PCDH7: variants seen among roughly 807,000 people sequenced by gnomAD.
PCDH7 encodes the protein protocadherin-7.
In PCDH7, 17 loss-of-function variants were observed where a neutral mutation model predicts 58.9. The ratio of observed to expected loss-of-function variants is 0.29; its 90% confidence interval spans 0.20 to 0.43. The LOEUF (loss-of-function observed/expected upper bound fraction) is 0.43, where lower values mean the gene tolerates loss of function less well. PCDH7 is among the 20% of genes least tolerant of loss of function. PCDH7 has a pLI of 1.00. For synonymous variants in PCDH7, 664 were observed against 616.4 expected (o/e 1.08, Z -1.14); for missense variants, 1,274 against 1,441.0 (o/e 0.88, Z 1.88).
chr4:31,026,010 A>C (rs1172590442), intron 3 of PCDH7, among the ~76,000 whole-genome samples: 1 of 152,180 alleles, frequency 6.6e-6, no homozygotes, highest in Non-Finnish European at 1.5e-5. Context: ...CATAGCTATA[A>C]TTACTAGTAT....
At position 30,861,490 on chromosome 4, in the gene PCDH7, A is replaced by G. The variant is rs146298280; in HGVS notation, c.71-58663A>G. ...CAAAGAAATGACCTCCTTAATTGTT[A>G]TTCATTATTTTCTGCTGTGTATCCC... On this transcript the variant is annotated intron_variant, in intron 1 of 3. Coordinates refer to the PCDH7 transcript ENST00000509759. Among the ~76,000 whole-genome samples the G allele has an allele frequency of 3.2e-4, 49 of 152,294 alleles. 1 individual carries two copies. The East Asian group carries it at 7.7e-3, about 24-fold the overall frequency.
rs766218350 is a variant in PCDH7 at position 30,723,107 on chromosome 4, C to T, written c.1685C>T (p.Ala562Val). 1.2e-6 allele frequency: 2 copies of T among 1,613,988 alleles called. No homozygotes were observed. Among genetic ancestry groups the T allele is most frequent in the South Asian group, 2.2e-5 (2 of 91,088 alleles). Residue 562 changes from alanine to valine, a missense_variant, in exon 1 of 2, where the codon GCA (alanine) becomes GTA (valine). Ala to Val is a moderately conservative substitution (Grantham distance 64). Transcript: ENST00000361762. This position sits in a 1 kb window ranked among gnomAD's most constrained non-coding sequence, Gnocchi z 4.6. ...GTGGCCACGGTGCTGGCGACAGACG[C>T]AGACAGCGGTAAGAACGCCGAGATC...
At chr4:31,003,609 A>G (rs1752529223) in intron 3 of PCDH7, among the ~76,000 whole-genome samples, 1 of 152,102 alleles carries the variant, frequency 6.6e-6, no homozygotes, top group African/African-American at 2.4e-5. Flanking sequence ...TCGGCGCTCA[A>G]AAAGGTTCCG....
At chr4:30,961,348 T>A (rs1748410803) in intron 3 of PCDH7, among the ~76,000 whole-genome samples, 1 of 150,942 alleles carries the variant, frequency 6.6e-6, no homozygotes, top group Non-Finnish European at 1.5e-5. Flanking sequence ...ATCAACACCA[T>A]CCTGGCTAAC....
In PCDH7 at chr4:30,856,191, CA is replaced by C. The variant is rs35107601; in HGVS notation, c.71-63952del. On this transcript the variant is annotated intron_variant, in intron 1 of 3. Transcript: ENST00000509759. ...AAGAAAAGAAGAATTAACAGATTAC[CA>C]AAAAAAAAAGTAATTTTACAAAATT... 2.2e-4 allele frequency among the ~76,000 whole-genome samples: 33 copies of C among 148,780 alleles called. No homozygotes were observed. The East Asian group carries it at 4.4e-3, about 20-fold the overall frequency.
rs545422958 is a variant in PCDH7, at chr4:30,849,727, G to T, written c.71-70426G>T. 1.1e-3 allele frequency among the ~76,000 whole-genome samples: 167 copies of T among 152,064 alleles called. 1 individual carries two copies. Among genetic ancestry groups the T allele is most frequent in the African/African-American group, 3.5e-3 (145 of 41,510 alleles). ...ATCATTTTCTTCCACTAAGACCCTC[G>T]CATTGTCCTCTTCCTTCTCAAGCTT... On this transcript the variant is annotated intron_variant, in intron 1 of 3. Coordinates refer to the PCDH7 transcript ENST00000509759.
chr4:30,770,840 T>C (rs527909696), intron 1 of PCDH7, among the ~76,000 whole-genome samples: 1 of 152,180 alleles, frequency 6.6e-6, no homozygotes, highest in Non-Finnish European at 1.5e-5. Flanking sequence ...TTGTCTTTCA[T>C]TTGTCTTTTA....
At chr4:31,061,573 A>T (rs929881977) in intron 3 of PCDH7, among the ~76,000 whole-genome samples, 4 of 151,726 alleles carry the variant, frequency 2.6e-5, no homozygotes, top group Non-Finnish European at 3.0e-5. Flanking sequence ...CATGCACTTA[A>T]ATTGATTTCT....
chr4:31,056,469 G>GAAAC (rs1757210188), intron 3 of PCDH7, among the ~76,000 whole-genome samples: 1 of 120,858 alleles, frequency 8.3e-6, no homozygotes, highest in Non-Finnish European at 1.7e-5. Flanking sequence ...AAGAAAGAAA[G>GAAAC]AAAGAAAGAA....
chr4:30,784,354 G>A (rs1370082235), intron 1 of PCDH7, among the ~76,000 whole-genome samples: 12 of 152,152 alleles, frequency 7.9e-5, no homozygotes, highest in Admixed American at 7.9e-4. Flanking sequence ...TGACAGGTGA[G>A]TATTAGTACA....
chr4:30,951,678 A>G (rs1164940171), intron 3 of PCDH7, among the ~76,000 whole-genome samples: 1 of 152,142 alleles, frequency 6.6e-6, no homozygotes, highest in East Asian at 1.9e-4. Flanking sequence ...TTTCACTTCC[A>G]TTTTCTTGAT....
intron 1 of PCDH7, among the ~76,000 whole-genome samples, chr4:30,743,785 A>G (rs1717402453): frequency 6.6e-6 from 1 of 152,058 alleles, no homozygotes; most frequent in Non-Finnish European, 1.5e-5. Flanking sequence ...TATGTTTTAA[A>G]TCAGTCATAA....
chr4:30,782,781 G>T (rs1256652982), intron 1 of PCDH7, among the ~76,000 whole-genome samples: 1 of 152,160 alleles, frequency 6.6e-6, no homozygotes, highest in African/African-American at 2.4e-5. Flanking sequence ...ACTTAGCAAG[G>T]CCTACTTGTT....
chr4:31,061,314 A>G (rs757261233), intron 3 of PCDH7, among the ~76,000 whole-genome samples: 4 of 151,598 alleles, frequency 2.6e-5, no homozygotes, highest in Non-Finnish European at 5.9e-5. Context: ...TTGTCTCCCA[A>G]CAGTGTTTGG....
At chr4:31,134,699 G>A (rs1257039310) in intron 3 of PCDH7, among the ~76,000 whole-genome samples, 1 of 152,106 alleles carries the variant, frequency 6.6e-6, no homozygotes, top group Non-Finnish European at 1.5e-5. Context: ...TGACTACATG[G>A]TTTTTCATGT....
At chr4:30,775,499 C>T (rs1577744794) in intron 1 of PCDH7, among the ~76,000 whole-genome samples, 1 of 152,106 alleles carries the variant, frequency 6.6e-6, no homozygotes, top group East Asian at 1.9e-4. Context: ...TTTATTCTTA[C>T]ATTTGGAAGT....
chr4:30,797,422 G>A (rs1238303708), intron 1 of PCDH7, among the ~76,000 whole-genome samples: 1 of 151,808 alleles, frequency 6.6e-6, no homozygotes, highest in East Asian at 1.9e-4. Flanking sequence ...ACAGGCGCCC[G>A]CCACCACGCC....
intron 3 of PCDH7, among the ~76,000 whole-genome samples, chr4:31,087,778 T>C (rs1712663691): frequency 6.6e-6 from 1 of 152,100 alleles, no homozygotes; most frequent in Non-Finnish European, 1.5e-5. Context: ...ATTAAAACAT[T>C]TTATTTTTAC....
chr4:30,913,721 T>G (rs548899227), intron 1 of PCDH7, among the ~76,000 whole-genome samples: 1 of 152,302 alleles, frequency 6.6e-6, no homozygotes, highest in African/African-American at 2.4e-5. Context: ...ACAGAAGCCT[T>G]CTTTCTGCAA....
Sources: allele counts gnomAD v4.1 joint callset (sites outside exome capture counted in the v4.1 genomes callset), GRCh38; gene constraint gnomAD v4.1.1; non-coding constraint Gnocchi (gnomAD v3.1); transcripts MANE v1.5; gene names NCBI Gene and HGNC (gene_info 2026-07-23, HGNC 2026-07-21).